IQCM: variants seen among roughly 807,000 people sequenced by gnomAD.
IQCM encodes the protein IQ domain-containing protein M.
Under a neutral mutation model 57.6 loss-of-function variants are expected in IQCM, and 45 were observed. The observed-to-expected ratio is 0.78, with a 90% CI of 0.62 to 1.00. The LOEUF (loss-of-function observed/expected upper bound fraction) is 1.00. Ranked by LOEUF, IQCM falls within the 50% of genes least tolerant of loss-of-function variation. The pLI is 0.00. For synonymous variants in IQCM, 148 were observed against 158.9 expected, an observed-to-expected ratio of 0.93 and a Z score of 0.51; for missense variants, 468 against 511.6, an observed-to-expected ratio of 0.91 and a Z score of 0.82.
chr4:149,680,292 TATA>T (rs1408024463), intron 7 of IQCM, among the ~76,000 whole-genome samples: 1 of 151,404 alleles, frequency 6.6e-6, no homozygotes, highest in Non-Finnish European at 1.5e-5. Flanking sequence ...TTGAGATACT[TATA>T]ATATCATAAA....
intron 12 of IQCM, among the ~76,000 whole-genome samples, chr4:149,491,425 C>T (rs1742082094): frequency 6.6e-6 from 1 of 151,980 alleles, no homozygotes; most frequent in African/African-American, 2.4e-5. Context: ...AACCCGCAAC[C>T]CTCAGCCCCT....
rs185012331 is a variant in IQCM, at chr4:149,417,429, C to T, written c.1390+15967G>A. 2.1e-3 allele frequency among the ~76,000 whole-genome samples: 314 copies of T among 152,174 alleles called. 4 individuals carry two copies. Among genetic ancestry groups the T allele is most frequent in the African/African-American group, 7.3e-3 (303 of 41,544 alleles). The stretch of plus-strand genomic sequence containing the variant: ...GTTTACGTGCCAGGAGGACATGGTG[C>T]TGTGAAGCTTGGTTGTTCTGGCATA... On this transcript the variant is annotated intron_variant, in intron 13 of 13. Coordinates refer to ENST00000636793, the MANE Select transcript of IQCM (RefSeq NM_001363507.2).
At chr4:149,477,966 AC>A (rs1279149293) in intron 12 of IQCM, among the ~76,000 whole-genome samples, 1 of 152,190 alleles carries the variant, frequency 6.6e-6, no homozygotes, top group African/African-American at 2.4e-5. Flanking sequence ...AATGTATGAC[AC>A]TGGGCAAATT....
At chr4:149,573,369 C>T (rs1751344624) in intron 9 of IQCM, among the ~76,000 whole-genome samples, 1 of 151,704 alleles carries the variant, frequency 6.6e-6, no homozygotes. Flanking sequence ...CTCTTCAAGA[C>T]CTTCCTTCAA....
chr4:149,677,851 T>C (rs1761881909), intron 7 of IQCM, among the ~76,000 whole-genome samples: 1 of 151,820 alleles, frequency 6.6e-6, no homozygotes, highest in Admixed American at 6.6e-5. Flanking sequence ...TTTTTTTAAA[T>C]TAAACAGAAA....
intron 8 of IQCM, among the ~76,000 whole-genome samples, chr4:149,603,856 A>G (rs1754538818): frequency 6.6e-6 from 1 of 152,172 alleles, no homozygotes. Context: ...CCTCTTCTTA[A>G]TATTATAGCT....
At chr4:149,564,457 A>G (rs979966349) in intron 9 of IQCM, among the ~76,000 whole-genome samples, 4 of 152,144 alleles carry the variant, frequency 2.6e-5, no homozygotes, top group Admixed American at 6.5e-5. Flanking sequence ...ATGAGTGTCA[A>G]CTTGACCAGA....
intron 12 of IQCM, among the ~76,000 whole-genome samples, chr4:149,488,592 T>C (rs1481029541): frequency 6.6e-6 from 1 of 152,098 alleles, no homozygotes; most frequent in Non-Finnish European, 1.5e-5. Context: ...GTTGTATACA[T>C]CGATTACAGA....
chr4:149,372,736 A>G (rs1730446652), intron 13 of IQCM, among the ~76,000 whole-genome samples: 2 of 152,226 alleles, frequency 1.3e-5, no homozygotes, highest in South Asian at 4.1e-4. Flanking sequence ...AAGAAAATCA[A>G]TTTGTAATCA....
intron 13 of IQCM, among the ~76,000 whole-genome samples, chr4:149,404,356 C>T (rs1192292328): frequency 1.3e-5 from 2 of 151,958 alleles, no homozygotes; most frequent in Non-Finnish European, 2.9e-5. Context: ...AAATGTTTGA[C>T]CTTTGACTTC....
intron 13 of IQCM, among the ~76,000 whole-genome samples, chr4:149,353,228 A>G (rs1728696270): frequency 6.6e-6 from 1 of 152,184 alleles, no homozygotes; most frequent in Non-Finnish European, 1.5e-5. Context: ...TCAAAACCAC[A>G]ATGAGATATC....
chr4:149,713,207 C>A (rs183898191), intron 5 of IQCM, among the ~76,000 whole-genome samples: 5 of 152,102 alleles, frequency 3.3e-5, no homozygotes, highest in Admixed American at 6.6e-5. Context: ...ACCAACAACG[C>A]TGGACCCCCT....
intron 7 of IQCM, among the ~76,000 whole-genome samples, chr4:149,649,960 G>A (rs17625185): frequency 0.21 from 32,181 of 151,984 alleles, 4,259 homozygotes; most frequent in Non-Finnish European, 0.28. Context: ...TTTAAAGATC[G>A]TTTCACAAGC....
At chr4:149,720,283 T>C (rs1765339038) in intron 5 of IQCM, among the ~76,000 whole-genome samples, 1 of 152,216 alleles carries the variant, frequency 6.6e-6, no homozygotes, top group South Asian at 2.1e-4. Context: ...AAGAATGTGT[T>C]TCAATTGCTT....
chr4:149,662,244 AT>A (rs1401477967), intron 7 of IQCM, among the ~76,000 whole-genome samples: 1 of 151,760 alleles, frequency 6.6e-6, no homozygotes, highest in East Asian at 1.9e-4. Context: ...TGTTTTTGTT[AT>A]GTTTCTGAAG....
At chr4:149,361,545 G>A (rs934690096) in intron 13 of IQCM, among the ~76,000 whole-genome samples, 1 of 152,222 alleles carries the variant, frequency 6.6e-6, no homozygotes, top group African/African-American at 2.4e-5. Context: ...CATTCCAGCT[G>A]TGGCTGAAAG....
chr4:149,608,030 T>A (rs2150046950), intron 8 of IQCM, among the ~76,000 whole-genome samples: 1 of 151,764 alleles, frequency 6.6e-6, no homozygotes, highest in African/African-American at 2.4e-5. Context: ...TACAAGAAAG[T>A]CACTTCACCT....
intron 13 of IQCM, among the ~76,000 whole-genome samples, chr4:149,424,853 T>G (rs2111233170): frequency 6.6e-6 from 1 of 152,126 alleles, no homozygotes; most frequent in East Asian, 1.9e-4. Flanking sequence ...CATTATTTTC[T>G]TATGATTATT....
At chr4:149,567,373 GTC>G in intron 9 of IQCM, among the ~76,000 whole-genome samples, 1 of 151,698 alleles carries the variant, frequency 6.6e-6, no homozygotes, top group Middle Eastern at 3.4e-3. Context: ...TTGAGACAGA[GTC>G]TCACTCTGTC....
Sources: allele counts gnomAD v4.1 joint callset (sites outside exome capture counted in the v4.1 genomes callset), GRCh38; gene constraint gnomAD v4.1.1; transcripts MANE v1.5; gene names NCBI Gene and HGNC (gene_info 2026-07-23, HGNC 2026-07-21).